NEGR1: variants seen among roughly 807,000 people sequenced by gnomAD.
The protein encoded by NEGR1 is IgLON family member 4.
In NEGR1, 10 loss-of-function variants were observed where a neutral mutation model predicts 40.9. The ratio of observed to expected loss-of-function variants is 0.24; its 90% CI spans 0.15 to 0.42. NEGR1 has a LOEUF of 0.42. Ranked by LOEUF, NEGR1 falls within the 10% of genes least tolerant of loss-of-function variation. The pLI is 1.00. For missense variants in NEGR1, 352 were observed against 438.9 expected (o/e 0.80, Z 1.77); for synonymous variants, 185 against 166.8 (o/e 1.11, Z -0.84).
intron 1 of NEGR1, among the ~76,000 whole-genome samples, chr1:72,226,957 GA>G (rs1654209795): frequency 6.6e-6 from 1 of 151,922 alleles, no homozygotes; most frequent in Non-Finnish European, 1.5e-5. Context: ...CTACCAAGCT[GA>G]TCTCTTTCAG....
chr1:71,587,464 G>C (rs1649343864), intron 6 of NEGR1, among the ~76,000 whole-genome samples: 1 of 4,994 alleles, frequency 2.0e-4, no homozygotes, highest in Admixed American at 6.2e-3. Flanking sequence ...GATATGAAAG[G>C]AGACATTCCA....
rs571383433 is a variant in NEGR1 at position 71,467,913 on chromosome 1, G to A, written c.941-60343C>T. 4.2e-4 allele frequency among the ~76,000 whole-genome samples: 64 copies of A among 151,936 alleles called. 1 individual carries two copies. The highest frequency in any genetic ancestry group is 3.4e-3 in the Middle Eastern group (1 of 292). On this transcript the variant is annotated intron_variant, in intron 6 of 6. Coordinates refer to ENST00000357731, the MANE Select transcript of NEGR1 (RefSeq NM_173808.3). The stretch of plus-strand genomic sequence containing the variant: ...TAGAGCACATTGTAAATAATAAATT[G>A]TTATTACATTCTAGTGAAAAATCCT...
intron 6 of NEGR1, among the ~76,000 whole-genome samples, chr1:71,583,187 C>T (rs759834412): frequency 2.6e-5 from 4 of 151,172 alleles, no homozygotes; most frequent in Admixed American, 6.6e-5. Context: ...GAGTCAGTAA[C>T]GTAAAAAAAA....
chr1:71,670,073 A>C (rs1652368580), intron 4 of NEGR1, among the ~76,000 whole-genome samples: 1 of 152,116 alleles, frequency 6.6e-6, no homozygotes, highest in Admixed American at 6.5e-5. Flanking sequence ...TTTCTCCGTT[A>C]CCATTTGTGA....
intron 4 of NEGR1, among the ~76,000 whole-genome samples, chr1:71,676,098 A>T (rs1652625099): frequency 6.6e-6 from 1 of 152,208 alleles, no homozygotes; most frequent in African/African-American, 2.4e-5. Context: ...GATGAGAGTT[A>T]AAATAATCTT....
At chr1:72,242,612 A>G (rs1269669485) in intron 1 of NEGR1, among the ~76,000 whole-genome samples, 1 of 151,646 alleles carries the variant, frequency 6.6e-6, no homozygotes, top group East Asian at 1.9e-4. Context: ...TTTACTCATG[A>G]TATTATATAT....
At chr1:71,967,894 T>G (rs998849130) in intron 1 of NEGR1, among the ~76,000 whole-genome samples, 2 of 152,210 alleles carry the variant, frequency 1.3e-5, no homozygotes, top group African/African-American at 4.8e-5. Context: ...ATTCTCTATA[T>G]GACATCAACT....
intron 1 of NEGR1, among the ~76,000 whole-genome samples, chr1:72,128,830 G>C (rs890390721): frequency 4.6e-5 from 7 of 151,970 alleles, no homozygotes; most frequent in African/African-American, 1.7e-4. Context: ...CATTTAAATT[G>C]GTACACAGAT....
intron 6 of NEGR1, among the ~76,000 whole-genome samples, chr1:71,474,479 G>T (rs1454221400): frequency 6.8e-6 from 1 of 147,032 alleles, no homozygotes; most frequent in Non-Finnish European, 1.5e-5. Flanking sequence ...TTCGAGATGA[G>T]CCTGGCCAAC....
In NEGR1 at chr1:71,920,202, A is replaced by G. The variant is rs546100701; in HGVS notation, c.409+14877T>C. On this transcript the variant is annotated intron_variant, in intron 2 of 6. Coordinates refer to ENST00000357731, the MANE Select transcript of NEGR1 (RefSeq NM_173808.3). ...TACTTCTAAAGGCCATCTTATGGTA[A>G]TGCTCTGATTGAGCTATTCCTCTCA... is the stretch of plus-strand genomic sequence containing the variant. 7.9e-5 allele frequency among the ~76,000 whole-genome samples: 12 copies of G among 152,306 alleles called. No homozygotes were observed. The East Asian group carries it at 2.3e-3, about 29-fold the overall frequency.
intron 1 of NEGR1, among the ~76,000 whole-genome samples, chr1:72,130,794 C>T (rs1650218837): frequency 6.6e-6 from 1 of 152,112 alleles, no homozygotes; most frequent in Admixed American, 6.5e-5. Flanking sequence ...ATATAAGCTC[C>T]ATGAGGGCAT....
chr1:71,579,804 T>C (rs976480975), intron 6 of NEGR1, among the ~76,000 whole-genome samples: 3 of 152,140 alleles, frequency 2.0e-5, no homozygotes, highest in Non-Finnish European at 2.9e-5. Flanking sequence ...ATGACCAGGT[T>C]ATATGTTTTT....
At chr1:72,055,159 A>G (rs1013107971) in intron 1 of NEGR1, among the ~76,000 whole-genome samples, 4 of 151,188 alleles carry the variant, frequency 2.6e-5, no homozygotes, top group Non-Finnish European at 5.9e-5. Flanking sequence ...CAAATACTAT[A>G]TATTTTTATC....
chr1:72,050,122 A>G (rs934152847), intron 1 of NEGR1, among the ~76,000 whole-genome samples: 28 of 151,724 alleles, frequency 1.8e-4, no homozygotes, highest in African/African-American at 6.5e-4. Flanking sequence ...ATATTGTAAA[A>G]AAGGTCAAAA....
At chr1:71,631,354 T>C (rs1335962938) in intron 4 of NEGR1, among the ~76,000 whole-genome samples, 1 of 151,806 alleles carries the variant, frequency 6.6e-6, no homozygotes, top group African/African-American at 2.4e-5. Context: ...TAAAGCTAAG[T>C]AGCTTTCTGA....
chr1:72,091,376 GTTCCTCCTTTCCTCCCTCCCTCCC>G (rs1334651482), intron 1 of NEGR1, among the ~76,000 whole-genome samples: 1 of 60,338 alleles, frequency 1.7e-5, no homozygotes, highest in Non-Finnish European at 3.0e-5. Flanking sequence ...CCCTCCCTCC[GTTCCTCCTTTCCTCCCTCCCTCCC>G]TTCCTCCCTT....
At chr1:71,512,364 C>G (rs1001482517) in intron 6 of NEGR1, among the ~76,000 whole-genome samples, 1 of 152,066 alleles carries the variant, frequency 6.6e-6, no homozygotes, top group African/African-American at 2.4e-5. Flanking sequence ...GATAACAGGA[C>G]TGTACTCAAG....
chr1:71,831,397 C>T (rs960293703), intron 2 of NEGR1, among the ~76,000 whole-genome samples: 33 of 151,904 alleles, frequency 2.2e-4, no homozygotes, highest in Admixed American at 2.0e-3. Context: ...ATTCATGTTA[C>T]TCATTATATT....
chr1:71,956,439 A>C (rs1646120224), intron 1 of NEGR1, among the ~76,000 whole-genome samples: 1 of 152,148 alleles, frequency 6.6e-6, no homozygotes, highest in Non-Finnish European at 1.5e-5. Flanking sequence ...CTAACTTTTC[A>C]ATCTGCTCAT....
Sources: allele counts gnomAD v4.1 joint callset (sites outside exome capture counted in the v4.1 genomes callset), GRCh38; gene constraint gnomAD v4.1.1; transcripts MANE v1.5; gene names NCBI Gene and HGNC (gene_info 2026-07-23, HGNC 2026-07-21).